Variants in DTNA observed in about 807,000 individuals in gnomAD.
DTNA encodes dystrobrevin alpha.
A neutral mutation model predicts 100.7 loss-of-function variants in DTNA; 43 were observed. The observed-to-expected ratio is 0.43, with a 90% CI of 0.33 to 0.55. The LOEUF (loss-of-function observed/expected upper bound fraction) is 0.55. Ranked by LOEUF, DTNA falls within the 20% of genes least tolerant of loss-of-function variation. The probability of loss-of-function intolerance (pLI) is 0.04; values close to 1 mark genes in which losing one functional copy is unlikely to be tolerated. For synonymous variants in DTNA, 349 were observed against 347.9 expected (o/e 1.00, Z -0.04); for missense variants, 798 against 953.9 (o/e 0.84, Z 2.15).
intron 1 of DTNA, among the ~76,000 whole-genome samples, chr18:34,724,906 A>T (rs1398951702): frequency 6.6e-6 from 1 of 152,220 alleles, no homozygotes; most frequent in African/African-American, 2.4e-5. Context: ...ATGGAACAGA[A>T]CATTGATCAG....
intron 4 of DTNA, among the ~76,000 whole-genome samples, chr18:34,799,886 C>A (rs1262730008): frequency 1.3e-5 from 2 of 152,120 alleles, no homozygotes; most frequent in Non-Finnish European, 2.9e-5. Context: ...TCTGGAGAAA[C>A]CCCTAGCAAA....
intron 1 of DTNA, among the ~76,000 whole-genome samples, chr18:34,739,738 G>C (rs1344711335): frequency 1.3e-5 from 2 of 152,168 alleles, no homozygotes; most frequent in African/African-American, 4.8e-5. Flanking sequence ...GTTAAATTCT[G>C]GCTTTGGCTT....
chr18:34,530,127 C>G (rs2043005594), intron 1 of DTNA, among the ~76,000 whole-genome samples: 1 of 152,064 alleles, frequency 6.6e-6, no homozygotes, highest in Non-Finnish European at 1.5e-5. Context: ...CTGCTCATAG[C>G]TGATACAGAT....
chr18:34,852,031 A>T, intron 15 of DTNA, 103 bp downstream of exon 15: 1 of 1,146,026 alleles, frequency 8.7e-7, no homozygotes, highest in Non-Finnish European at 1.3e-6. Context: ...CTGTATGGCT[A>T]CTCAAGGGAA....
At chr18:34,683,302 T>G (rs2078386907) in intron 1 of DTNA, among the ~76,000 whole-genome samples, 1 of 152,206 alleles carries the variant, frequency 6.6e-6, no homozygotes, top group South Asian at 2.1e-4. Context: ...TCTTGATAAC[T>G]AATCAATTCA....
intron 1 of DTNA, among the ~76,000 whole-genome samples, chr18:34,540,502 T>C (rs941326727): frequency 6.6e-6 from 1 of 152,044 alleles, no homozygotes; most frequent in Non-Finnish European, 1.5e-5. Flanking sequence ...GGACTTTCTA[T>C]AACAGACACT....
chr18:34,789,967 A>G (rs897947692), intron 3 of DTNA, among the ~76,000 whole-genome samples: 1 of 152,192 alleles, frequency 6.6e-6, no homozygotes, highest in African/African-American at 2.4e-5. Flanking sequence ...CCACTTTTCT[A>G]ACATGAAGAT....
intron 1 of DTNA, among the ~76,000 whole-genome samples, chr18:34,675,473 T>G (rs1187658617): frequency 6.6e-6 from 1 of 152,144 alleles, no homozygotes; most frequent in Non-Finnish European, 1.5e-5. Flanking sequence ...TAATCATGAA[T>G]TCTTCAGATT....
At chr18:34,756,771 T>C (rs1409604142) in intron 2 of DTNA, among the ~76,000 whole-genome samples, 2 of 148,438 alleles carry the variant, frequency 1.3e-5, no homozygotes, top group Non-Finnish European at 2.9e-5. Context: ...ACCATTTTTC[T>C]TATTCATAAA....
chr18:34,806,812 G>A (rs2095371794), intron 5 of DTNA, among the ~76,000 whole-genome samples: 1 of 152,202 alleles, frequency 6.6e-6, no homozygotes, highest in Admixed American at 6.5e-5. Flanking sequence ...TTAACTAGAT[G>A]CCAGTAAAAG....
Position 34,664,090 on chromosome 18 carries a change from T to G in DTNA, c.-1-91886T>G, listed in dbSNP as rs149957044. 2.2e-3 allele frequency among the ~76,000 whole-genome samples: 330 copies of G among 152,270 alleles called. 1 individual carries two copies. Among genetic ancestry groups the G allele is most frequent in the African/African-American group, 7.8e-3 (325 of 41,574 alleles). On this transcript the variant is annotated intron_variant, in intron 1 of 19. Transcript: ENST00000283365. The stretch of plus-strand genomic sequence containing the variant: ...CTGTTGTATCAAAGAAAACTGTCCA[T>G]AATAATCTGAAAGGCTATGAAAAGA...
intron 15 of DTNA, among the ~76,000 whole-genome samples, chr18:34,854,163 G>A (rs1023974708): frequency 6.6e-6 from 1 of 152,090 alleles, no homozygotes; most frequent in East Asian, 1.9e-4. Flanking sequence ...AGAATGGAGG[G>A]GCCGTCCTCA....
intron 1 of DTNA, among the ~76,000 whole-genome samples, chr18:34,511,054 C>G (rs2041031965): frequency 6.6e-6 from 1 of 152,026 alleles, no homozygotes; most frequent in African/African-American, 2.4e-5. Context: ...CCAGATCCTT[C>G]TCTGAAAGAC....
chr18:34,774,261 T>C (rs575280642), intron 3 of DTNA, among the ~76,000 whole-genome samples: 16 of 152,350 alleles, frequency 1.1e-4, no homozygotes, highest in South Asian at 2.1e-4. Context: ...TCTGGGAAAC[T>C]GCCTGCTTGG....
intron 1 of DTNA, among the ~76,000 whole-genome samples, chr18:34,532,684 A>C (rs1347916599): frequency 6.6e-6 from 1 of 152,060 alleles, no homozygotes; most frequent in Non-Finnish European, 1.5e-5. Flanking sequence ...TAAAATCACC[A>C]GCTCACTTGG....
At chr18:34,843,620 T>C (rs2096314647) in intron 13 of DTNA, among the ~76,000 whole-genome samples, 1 of 152,050 alleles carries the variant, frequency 6.6e-6, no homozygotes, top group African/African-American at 2.4e-5. Flanking sequence ...AGAACAGCAG[T>C]CCTATGAGAT....
At chr18:34,657,920 A>G (rs2074624349) in intron 1 of DTNA, among the ~76,000 whole-genome samples, 1 of 152,204 alleles carries the variant, frequency 6.6e-6, no homozygotes, top group South Asian at 2.1e-4. Context: ...CCTGGCCACT[A>G]TTAATGAAAC....
At chr18:34,689,191 C>T (rs1024734354) in intron 1 of DTNA, among the ~76,000 whole-genome samples, 8 of 152,142 alleles carry the variant, frequency 5.3e-5, no homozygotes, top group Admixed American at 2.6e-4. Flanking sequence ...CCCTTGCTGG[C>T]GAGGAATTGT....
At chr18:34,677,420 G>T (rs967452166) in intron 1 of DTNA, among the ~76,000 whole-genome samples, 1 of 151,176 alleles carries the variant, frequency 6.6e-6, no homozygotes, top group Admixed American at 6.6e-5. Flanking sequence ...ACAACAACCA[G>T]CAGCCAAATC....
Sources: gnomAD v4.1 joint callset for allele counts (sites outside exome capture counted in the v4.1 genomes callset) on GRCh38, gnomAD v4.1.1 for gene constraint, MANE v1.5 for transcripts, NCBI Gene and HGNC (gene_info 2026-07-23, HGNC 2026-07-21) for gene names.